XKR4: variants seen among roughly 807,000 people sequenced by gnomAD.
The protein encoded by XKR4 is XK related 4.
A neutral mutation model predicts 53.9 loss-of-function variants in XKR4; 12 were observed. The observed-to-expected ratio is 0.22, with a 90% CI of 0.14 to 0.36. XKR4 has a LOEUF of 0.36. Among genes scored for constraint, XKR4 ranks in the 10% least tolerant of loss-of-function variants. XKR4 has a pLI of 1.00. For synonymous variants in XKR4, 354 were observed against 362.4 expected (o/e 0.98, Z 0.26); for missense variants, 799 against 859.5 (o/e 0.93, Z 0.88).
chr8:55,122,666 G>C (rs1174068460), intron 1 of XKR4, among the ~76,000 whole-genome samples: 1 of 152,182 alleles, frequency 6.6e-6, no homozygotes, highest in Non-Finnish European at 1.5e-5. Context: ...GAAAAACAAA[G>C]TTCTACCTGA....
intron 1 of XKR4, among the ~76,000 whole-genome samples, chr8:55,176,539 G>A (rs138397400): frequency 6.6e-6 from 1 of 152,062 alleles, no homozygotes; most frequent in Non-Finnish European, 1.5e-5. Flanking sequence ...GAATAAAGTC[G>A]CTCTTTCTAA....
rs1401194431 is a variant in XKR4 at position 55,412,382 on chromosome 8, T to C, written c.1006+54505T>C. 3.9e-5 allele frequency among the ~76,000 whole-genome samples: 6 copies of C among 152,272 alleles called. No individual in the cohort carries two copies. The East Asian group carries it at 5.8e-4, about 15-fold the overall frequency. On this transcript the variant is annotated intron_variant, in intron 2 of 2. Coordinates refer to ENST00000327381, the MANE Select transcript of XKR4 (RefSeq NM_052898.2). ...ATGCCAGTTCATAGCTCTAAATAAA[T>C]AAAGGGGAAAATATGGCTTTGCTTA...
intron 2 of XKR4, among the ~76,000 whole-genome samples, chr8:55,428,898 T>C (rs1805057294): frequency 6.6e-6 from 1 of 152,174 alleles, no homozygotes; most frequent in South Asian, 2.1e-4. Flanking sequence ...ATCTCAGCAA[T>C]AGTGTTTCTA....
Position 55,516,058 on chromosome 8 carries a change from T to C in XKR4, c.1007-7223T>C, listed in dbSNP as rs144958907. Among the ~76,000 whole-genome samples, 460 of 152,344 alleles carry C rather than the reference T, an allele frequency of 3.0e-3. 1 individual carries two copies. The highest frequency in any genetic ancestry group is 0.01 in the African/African-American group (436 of 41,580). ...TCATTTAACCTCTCTTTGGTTCTGT[T>C]TGCCTGTTTGCAAAAAACAATACTT... is the stretch of plus-strand genomic sequence containing the variant. On this transcript the variant is annotated intron_variant, in intron 2 of 2. Transcript: ENST00000327381.
chr8:55,221,459 G>C (rs945168821), intron 1 of XKR4, among the ~76,000 whole-genome samples: 17 of 152,174 alleles, frequency 1.1e-4, no homozygotes, highest in African/African-American at 3.9e-4. Flanking sequence ...GCAGGGTGTG[G>C]CGGTTTCCTG....
chr8:55,446,055 C>G (rs1805341723), intron 2 of XKR4, among the ~76,000 whole-genome samples: 1 of 152,142 alleles, frequency 6.6e-6, no homozygotes, highest in African/African-American at 2.4e-5. Context: ...ATTACTGTTC[C>G]CAACCTGTAG....
At chr8:55,470,178 A>C (rs997575203) in intron 2 of XKR4, among the ~76,000 whole-genome samples, 2 of 152,210 alleles carry the variant, frequency 1.3e-5, no homozygotes, top group African/African-American at 4.8e-5. Context: ...TTATTACCGA[A>C]GGCACAGAAG....
intron 1 of XKR4, among the ~76,000 whole-genome samples, chr8:55,340,319 A>G (rs1803524466): frequency 1.3e-5 from 2 of 152,226 alleles, no homozygotes; most frequent in African/African-American, 2.4e-5. Flanking sequence ...CACATTGTGC[A>G]TATGTGCATG....
rs1385024076 is a variant in XKR4, at chr8:55,533,340, G to A, written c.*9113G>A. ...CACCTTAACATAACCAAAAAAAGGA[G>A]ACCTGTCAGCTAGTGAAAGAATTGT... On this transcript the variant is annotated 3_prime_UTR_variant, in exon 3 of 3. Transcript: ENST00000327381. 1 of 152,148 alleles carries A rather than the reference G, an allele frequency of 6.6e-6. No individual in the cohort carries two copies. Among genetic ancestry groups the A allele is most frequent in the African/African-American group, 2.4e-5 (1 of 41,426 alleles). 9.4% of individuals were successfully genotyped at this position (152,148 alleles called of 1,614,324 possible).
At chr8:55,345,301 GA>G (rs370156700) in intron 1 of XKR4, among the ~76,000 whole-genome samples, 63 of 138,822 alleles carry the variant, frequency 4.5e-4, no homozygotes, top group African/African-American at 8.5e-4. Flanking sequence ...CTCAAAAAAA[GA>G]AAAAAAAAAG....
Position 55,384,565 on chromosome 8 carries a change from C to CT in XKR4, c.1006+26695dup, listed in dbSNP as rs1449595264. Among the ~76,000 whole-genome samples the CT allele has an allele frequency of 5.9e-5, 9 of 152,268 alleles. No individual in the cohort carries two copies. The East Asian group carries it at 7.7e-4, about 13-fold the overall frequency. On this transcript the variant is annotated intron_variant, in intron 2 of 2. Transcript: ENST00000327381. ...ATGGCAGTTCCAAGCAAGGACTCTC[C>CT]TTTTTTTGCTGTGTTTGTTTTTAAC...
chr8:55,442,070 A>G (rs1283121264), intron 2 of XKR4, among the ~76,000 whole-genome samples: 1 of 152,086 alleles, frequency 6.6e-6, no homozygotes, highest in Non-Finnish European at 1.5e-5. Flanking sequence ...TTCTTTGAAA[A>G]TAATAACAAA....
intron 1 of XKR4, among the ~76,000 whole-genome samples, chr8:55,346,690 T>TGTGC (rs1803649212): frequency 7.5e-6 from 1 of 133,630 alleles, no homozygotes; most frequent in African/African-American, 3.2e-5. Context: ...AGGTTATGTG[T>TGTGC]GTGTGTGTGT....
At chr8:55,250,168 G>A (rs1183257905) in intron 1 of XKR4, among the ~76,000 whole-genome samples, 1 of 152,180 alleles carries the variant, frequency 6.6e-6, no homozygotes, top group African/African-American at 2.4e-5. Flanking sequence ...CTAGAAAGTT[G>A]CTATGGCTTC....
At chr8:55,401,367 T>G (rs558322769) in intron 2 of XKR4, among the ~76,000 whole-genome samples, 1 of 152,210 alleles carries the variant, frequency 6.6e-6, no homozygotes, top group African/African-American at 2.4e-5. Flanking sequence ...GAAAGGAAAG[T>G]GAGTCTATGT....
At chr8:55,219,123 C>A (rs1345790328) in intron 1 of XKR4, among the ~76,000 whole-genome samples, 3 of 151,702 alleles carry the variant, frequency 2.0e-5, no homozygotes, top group Non-Finnish European at 2.9e-5. Flanking sequence ...GTGAGCCATT[C>A]TCCAAGCAAT....
At chr8:55,355,950 T>C (rs967328247) in intron 1 of XKR4, among the ~76,000 whole-genome samples, 6 of 152,160 alleles carry the variant, frequency 3.9e-5, no homozygotes, top group Admixed American at 3.9e-4. Flanking sequence ...ACTAAAACTG[T>C]GAAACTTTTG....
chr8:55,206,136 T>C (rs1817645923), intron 1 of XKR4, among the ~76,000 whole-genome samples: 1 of 152,160 alleles, frequency 6.6e-6, no homozygotes, highest in South Asian at 2.1e-4. Context: ...ACCCAAAGCG[T>C]GAGCAGCAGC....
intron 2 of XKR4, among the ~76,000 whole-genome samples, chr8:55,475,385 TTTGTTG>T (rs60246172): frequency 0.5 from 75,313 of 149,400 alleles, 20,553 homozygotes; most frequent in African/African-American, 0.73. Context: ...TTTTGCTTAT[TTTGTTG>T]TTGTTGTTGT....
Sources: allele counts gnomAD v4.1 joint callset (sites outside exome capture counted in the v4.1 genomes callset), GRCh38; gene constraint gnomAD v4.1.1; transcripts MANE v1.5; gene names NCBI Gene and HGNC (gene_info 2026-07-23, HGNC 2026-07-21).